Variants in SLC6A12 observed in about 807,000 individuals in gnomAD.
SLC6A12 encodes the protein sodium- and chloride-dependent betaine transporter.
Under a neutral mutation model 73.3 loss-of-function variants are expected in SLC6A12, and 50 were observed. The observed-to-expected ratio is 0.68, with a 90% CI of 0.54 to 0.86. SLC6A12 has a LOEUF of 0.86. SLC6A12 is among the 40% of genes least tolerant of loss of function. The pLI is 0.00. For synonymous variants in SLC6A12, 304 were observed against 309.2 expected, an observed-to-expected ratio of 0.98 and a Z score of 0.18; for missense variants, 648 against 772.8, an observed-to-expected ratio of 0.84 and a Z score of 1.92.
chr12:202,558 C>T (rs1207881704), intron 5 of SLC6A12, among the ~76,000 whole-genome samples, 182 bp downstream of exon 5: 2 of 152,212 alleles, frequency 1.3e-5, no homozygotes, highest in Non-Finnish European at 1.5e-5. Flanking sequence ...CACACTGACT[C>T]GTCCGAGTGG....
intron 3 of SLC6A12, 70 bp downstream of exon 3, chr12:209,703 G>A: frequency 1.3e-6 from 2 of 1,540,836 alleles, no homozygotes; most frequent in Non-Finnish European, 1.8e-6. Context: ...AGGAAGGAGG[G>A]CCCAGGTAGG....
At chr12:208,137 C>T (rs1469531348) in intron 3 of SLC6A12, among the ~76,000 whole-genome samples, 2 of 152,204 alleles carry the variant, frequency 1.3e-5, no homozygotes, top group Non-Finnish European at 2.9e-5. Flanking sequence ...GGCAAATCCT[C>T]CTCCACTAAA....
intron 14 of SLC6A12, 90 bp from the exon 15 acceptor site, chr12:192,738 C>T: frequency 8.1e-7 from 1 of 1,235,402 alleles, no homozygotes; most frequent in South Asian, 1.3e-5. Context: ...GAGGACAAGT[C>T]AGGTGCACTG....
intron 7 of SLC6A12, 178 bp from the exon 8 acceptor site, chr12:199,109 TC>T (rs1565470976): frequency 1.4e-5 from 4 of 289,848 alleles, no homozygotes; most frequent in South Asian, 1.2e-4. Context: ...GGGTCTGTGC[TC>T]CCCCCAGGGT....
intron 13 of SLC6A12, 138 bp downstream of exon 13, chr12:195,087 G>C (rs1242517200): frequency 3.0e-6 from 2 of 668,566 alleles, no homozygotes; most frequent in African/African-American, 3.6e-5. Context: ...TTCCCAGTAA[G>C]AAGAAGCAGG....
chr12:194,089 A>G (rs1163673191), intron 13 of SLC6A12: 10 of 152,376 alleles, frequency 6.6e-5, no homozygotes, highest in Admixed American at 5.9e-4. Context: ...TCCCTGATGC[A>G]TGAAATCACA....
intron 3 of SLC6A12, among the ~76,000 whole-genome samples, chr12:207,728 G>A (rs1320571347): frequency 6.6e-6 from 1 of 152,118 alleles, no homozygotes; most frequent in Non-Finnish European, 1.5e-5. Context: ...CCATCATTAG[G>A]TTGTTGGAAA....
the SLC6A12 span, among the ~76,000 whole-genome samples, chr12:184,115 A>T: frequency 1.8e-4 from 27 of 152,346 alleles, no homozygotes; most frequent in African/African-American, 6.3e-4. Flanking sequence ...TGCCATAACC[A>T]AGTAGGGTTT....
At chr12:197,785 A>G (rs1473569977) in intron 9 of SLC6A12, 115 bp downstream of exon 9, 9 of 747,504 alleles carry the variant, frequency 1.2e-5, no homozygotes, top group African/African-American at 1.8e-5. Flanking sequence ...GTTCAGTCTG[A>G]TACAACGTAT....
Position 198,045 on chromosome 12 carries a change from G to A in SLC6A12, c.847-42C>T. ...GAAAGAGGTAGAGGCAGCCCCCAGGGCCCAGAGCCAGGGTGACCCGAGATC... is the reference window on the plus strand; with the variant it reads ...GAAAGAGGTAGAGGCAGCCCCCAGGACCCAGAGCCAGGGTGACCCGAGATC... On this transcript the variant is annotated intron_variant, in intron 8 of 15. Transcript: ENST00000684302. This position sits in a 1 kb window ranked among gnomAD's most constrained non-coding sequence, Gnocchi z 4.0. 1 of 1,553,932 alleles carries A rather than the reference G, an allele frequency of 6.4e-7. No individual in the cohort carries two copies.
chr12:187,387 G>A (rs1481005925), downstream of SLC6A12, among the ~76,000 whole-genome samples: 1 of 151,790 alleles, frequency 6.6e-6, no homozygotes, highest in Non-Finnish European at 1.5e-5. Flanking sequence ...GGTCTCACCA[G>A]CTCCGGAGTG....
intron 4 of SLC6A12, chr12:203,237 T>C (rs1940393224): frequency 5.9e-6 from 1 of 170,088 alleles, no homozygotes; most frequent in South Asian, 1.5e-4. Context: ...TAACTTTTTT[T>C]TTGTAGAGAC....
Position 196,238 on chromosome 12 carries a change from C to A in SLC6A12, c.1212G>T (p.Val404=). The A allele has an allele frequency of 6.2e-7, 1 of 1,606,838 alleles. No individual in the cohort carries two copies. Among genetic ancestry groups the A allele is most frequent in the Admixed American group, 1.7e-5 (1 of 58,862 alleles). ...DSQFVCVECL[V]TASIDMFPRQ... ...TGGGGAACATGTCTATGGAGGCTGT[C>A]ACCAGGCACTCCACACAGACAAACT... Residue 404 remains valine, a synonymous_variant, in exon 12 of 16, where the codon GTG becomes GTT. Coordinates refer to ENST00000684302, the MANE Select transcript of SLC6A12 (RefSeq NM_001122848.3).
At chr12:187,380 C>T (rs1476685104), downstream of SLC6A12, among the ~76,000 whole-genome samples, 1 of 151,888 alleles carries the variant, frequency 6.6e-6, no homozygotes, top group East Asian at 1.9e-4. Flanking sequence ...GGTTCGTGGT[C>T]TCACCAGCTC....
Position 195,248 on chromosome 12 carries a change from A to G in SLC6A12, c.1406T>C (p.Val469Ala), listed in dbSNP as rs1176055464. 6.2e-7 allele frequency: 1 copy of G among 1,608,698 alleles called. No homozygotes were observed. The change falls in exon 13 of 16, where the codon GTG becomes GCG. Residue 469 changes from valine to alanine, a missense_variant. By Grantham distance (64) the Val-to-Ala change is moderately conservative. Coordinates refer to ENST00000684302, the MANE Select transcript of SLC6A12 (RefSeq NM_001122848.3). ...ICLLFLSLFE[V>A]VCISWVYGAD... The stretch of plus-strand genomic sequence containing the variant: ...ACCATACACCCAGCTTATGCAGACC[A>G]CTTCAAACAATGACAGGAACAGCAG...
At chr12:196,642 C>A in intron 11 of SLC6A12, 128 bp downstream of exon 11, 1 of 726,196 alleles carries the variant, frequency 1.4e-6, no homozygotes, top group Non-Finnish European at 2.4e-6. Flanking sequence ...AAGGAAAAGC[C>A]CTGGACAGCA....
chr12:187,630 A>AAAAAAAAAAC (rs1565461372), downstream of SLC6A12, among the ~76,000 whole-genome samples: 1 of 57,580 alleles, frequency 1.7e-5, no homozygotes, highest in African/African-American at 6.8e-5. Context: ...AAAAAAAAAA[A>AAAAAAAAAAC]ACAAACCACA....
downstream of SLC6A12, among the ~76,000 whole-genome samples, chr12:187,367 G>A (rs1236984438): frequency 6.6e-6 from 1 of 151,862 alleles, no homozygotes; most frequent in Non-Finnish European, 1.5e-5. Context: ...TTTCCTTCTG[G>A]TAGGTTCGTG....
At position 202,794 on chromosome 12, in the gene SLC6A12, T is replaced by C. The variant is rs1173865634; in HGVS notation, c.436A>G (p.Ser146Gly). The C allele has an allele frequency of 6.2e-7, 1 of 1,614,002 alleles. No individual in the cohort carries two copies. Among genetic ancestry groups the C allele is most frequent in the Non-Finnish European group, 8.5e-7 (1 of 1,179,932 alleles). The change falls in exon 5 of 16, where the codon AGC becomes GGC. Residue 146 changes from serine (S) to glycine (G), a missense_variant. Coordinates refer to ENST00000684302, the MANE Select transcript of SLC6A12 (RefSeq NM_001122848.3). ...ILAWALFYLF[S>G]SFTSELPWTT... ...CAGGGCAGCTCAGAAGTGAAGGAGC[T>C]GAACAGGTAGAAGAGAGCCCAGGCA...
Sources: gnomAD v4.1 joint callset for allele counts (sites outside exome capture counted in the v4.1 genomes callset) on GRCh38, gnomAD v4.1.1 for gene constraint, Gnocchi (gnomAD v3.1) non-coding constraint, MANE v1.5 for transcripts, NCBI Gene and HGNC (gene_info 2026-07-23, HGNC 2026-07-21) for gene names.